TTC39C: variants seen among roughly 807,000 people sequenced by gnomAD.
TTC39C encodes tetratricopeptide repeat domain 39C.
TTC39C carries 33 observed loss-of-function variants against 76.3 expected under a neutral mutation model. That is an observed-to-expected ratio of 0.43 (90% CI 0.33 to 0.58). TTC39C has a LOEUF of 0.58. Ranked by LOEUF, TTC39C falls within the 20% of genes least tolerant of loss-of-function variation. The pLI is 0.04. For missense variants in TTC39C, 595 were observed against 701.4 expected, an observed-to-expected ratio of 0.85 and a Z score of 1.71; for synonymous variants, 254 against 260.6, an observed-to-expected ratio of 0.97 and a Z score of 0.24.
intron 4 of TTC39C, 109 bp downstream of exon 4, chr18:24,069,380 T>C (rs975738751): frequency 9.3e-6 from 8 of 860,434 alleles, no homozygotes; most frequent in Non-Finnish European, 1.4e-5. Flanking sequence ...ATGTGGCACC[T>C]CTTTGGGGCA....
chr18:24,018,157 A>G (rs1329499038), intron 1 of TTC39C, among the ~76,000 whole-genome samples: 1 of 152,228 alleles, frequency 6.6e-6, no homozygotes, highest in African/African-American at 2.4e-5. Flanking sequence ...TATTGGAAGT[A>G]TAGTAATAAT....
Position 24,080,749 on chromosome 18 carries a change from G to C in TTC39C, c.625G>C (p.Glu209Gln). The change falls in exon 5 of 14, where the codon GAG (glutamate) becomes CAG (glutamine). Residue 209 changes from glutamate to glutamine, a missense_variant. Transcript: ENST00000317571. The stretch of plus-strand genomic sequence containing the variant: ...TCACATTGTGGCTGAAGGGGTGTCT[G>C]AGGAGTCTCTGAACAGACTGAAAGG... ...DNHIVAEGVS[E>Q]ESLNRLKGAV... is the part of the protein sequence containing the mutation. 1 of 1,614,136 alleles carries C rather than the reference G, an allele frequency of 6.2e-7. No individual in the cohort carries two copies. The highest frequency in any genetic ancestry group is 8.5e-7 in the Non-Finnish European group (1 of 1,180,008).
intron 1 of TTC39C, chr18:24,019,739 C>G (rs2083496323): frequency 1.3e-6 from 1 of 763,020 alleles, no homozygotes; most frequent in Non-Finnish European, 2.0e-6. Context: ...TGAGACACAG[C>G]CATGCTCATT....
At chr18:24,040,659 T>C (rs2083781295) in intron 1 of TTC39C, among the ~76,000 whole-genome samples, 1 of 152,168 alleles carries the variant, frequency 6.6e-6, no homozygotes, top group South Asian at 2.1e-4. Context: ...AGACTCTCGG[T>C]AAGCATACAG....
chr18:24,006,963 G>T (rs2083358165), intron 1 of TTC39C, among the ~76,000 whole-genome samples: 1 of 152,194 alleles, frequency 6.6e-6, no homozygotes, highest in Non-Finnish European at 1.5e-5. Flanking sequence ...AGCACCCAGT[G>T]AGTATACTAC....
chr18:24,016,261 A>G (rs1485965940), intron 1 of TTC39C, among the ~76,000 whole-genome samples: 1 of 152,184 alleles, frequency 6.6e-6, no homozygotes, highest in East Asian at 1.9e-4. Context: ...AGAACATTTC[A>G]TTTTTAAAGC....
chr18:24,085,253 C>A (rs190189629), intron 6 of TTC39C, among the ~76,000 whole-genome samples: 22 of 152,276 alleles, frequency 1.4e-4, no homozygotes, highest in African/African-American at 5.3e-4. Context: ...TGCAGCAGGG[C>A]AGTGAGGCCC....
chr18:24,054,567 A>C (rs148146927), intron 1 of TTC39C, among the ~76,000 whole-genome samples: 60 of 152,150 alleles, frequency 3.9e-4, no homozygotes, highest in African/African-American at 1.4e-3. Context: ...CCTTCACAAC[A>C]ATTTTTTTCA....
chr18:23,997,348 C>T (rs538371638), intron 1 of TTC39C, among the ~76,000 whole-genome samples: 4 of 151,916 alleles, frequency 2.6e-5, no homozygotes, highest in South Asian at 2.1e-4. Context: ...GTCAGGAGTT[C>T]GAGACCAGCC....
chr18:24,121,210 G>A (rs965933265), intron 8 of TTC39C, among the ~76,000 whole-genome samples: 2 of 152,136 alleles, frequency 1.3e-5, no homozygotes, highest in Non-Finnish European at 2.9e-5. Flanking sequence ...GTCATCCTAA[G>A]CTCTGTTTAG....
intron 6 of TTC39C, among the ~76,000 whole-genome samples, chr18:24,085,091 T>C (rs2084423945): frequency 6.6e-6 from 1 of 152,216 alleles, no homozygotes; most frequent in Non-Finnish European, 1.5e-5. Context: ...GGGTTTAGTG[T>C]TTAACAGATA....
intron 1 of TTC39C, among the ~76,000 whole-genome samples, chr18:24,063,287 A>G (rs1451724656): frequency 6.6e-6 from 1 of 152,170 alleles, no homozygotes; most frequent in Non-Finnish European, 1.5e-5. Flanking sequence ...ACTCTTAGCG[A>G]GGCATTCCTA....
At chr18:24,019,557 C>A (rs1048456502) in intron 1 of TTC39C, among the ~76,000 whole-genome samples, 1 of 152,150 alleles carries the variant, frequency 6.6e-6, no homozygotes, top group Non-Finnish European at 1.5e-5. Flanking sequence ...CAGTTTTTGG[C>A]GCATGTGACA....
At chr18:24,040,005 A>G (rs2145689211) in intron 1 of TTC39C, among the ~76,000 whole-genome samples, 1 of 152,340 alleles carries the variant, frequency 6.6e-6, no homozygotes, top group African/African-American at 2.4e-5. Context: ...TCAACTGGGA[A>G]ATGTTACACC....
chr18:24,059,339 A>T (rs1396409176), intron 1 of TTC39C, among the ~76,000 whole-genome samples: 5 of 151,964 alleles, frequency 3.3e-5, no homozygotes, highest in African/African-American at 4.8e-5. Context: ...CTAATTTTTT[A>T]TTTTTTCCAG....
Position 24,020,307 on chromosome 18 carries a change from T to C in TTC39C, c.167+5269T>C. The C allele has an allele frequency of 6.0e-6, 6 of 992,960 alleles. No homozygotes were observed. The South Asian group carries it at 2.8e-4, about 46-fold the overall frequency. 61.5% of individuals were successfully genotyped at this position (992,960 alleles called of 1,614,324 possible). Reference sequence around the variant, plus strand: ...AGATTCATTTGGCTTGAGATTCCTTTTAAAATGCCACTGCCTGTAGAATAA... The same window carrying C: ...AGATTCATTTGGCTTGAGATTCCTTCTAAAATGCCACTGCCTGTAGAATAA... On this transcript the variant is annotated intron_variant, in intron 1 of 13. Transcript: ENST00000317571.
intron 3 of TTC39C, among the ~76,000 whole-genome samples, chr18:24,066,672 A>C (rs1472907748): frequency 6.6e-6 from 1 of 152,170 alleles, no homozygotes; most frequent in Non-Finnish European, 1.5e-5. Context: ...GGTCTCACAT[A>C]CGTCACTGAC....
chr18:24,116,826 T>TTG (rs1555777755), intron 7 of TTC39C, among the ~76,000 whole-genome samples: 1 of 145,620 alleles, frequency 6.9e-6, no homozygotes, highest in African/African-American at 2.5e-5. Context: ...TTAGTTTTTT[T>TTG]TTTTTTTTTT....
Position 24,083,095 on chromosome 18 carries a change from C to T in TTC39C, c.984+14C>T. On this transcript the variant is annotated intron_variant, in intron 6 of 13. Transcript: ENST00000317571. ...CAACGACTAGAGGTACTGTACCTTC[C>T]TCATCTTTTTAAAATAAAGCCTCCG... 1.3e-6 allele frequency: 2 copies of T among 1,580,278 alleles called. No homozygotes were observed. The highest frequency in any genetic ancestry group is 1.2e-5 in the South Asian group (1 of 86,164).
Sources: gnomAD v4.1 joint callset for allele counts (sites outside exome capture counted in the v4.1 genomes callset) on GRCh38, gnomAD v4.1.1 for gene constraint, MANE v1.5 for transcripts, NCBI Gene and HGNC (gene_info 2026-07-23, HGNC 2026-07-21) for gene names.